PARPBP: variants seen among roughly 807,000 people sequenced by gnomAD.
PARPBP encodes PARP1 binding protein.
PARPBP carries 52 observed loss-of-function variants against 50.0 expected under a neutral mutation model. That is an observed-to-expected ratio of 1.04 (90% CI 0.83 to 1.31). The LOEUF (loss-of-function observed/expected upper bound fraction) is 1.31. Among genes scored for constraint, PARPBP ranks in the 50% most tolerant of loss-of-function variants. The pLI is 0.00. For synonymous variants in PARPBP, 244 were observed against 232.1 expected, an observed-to-expected ratio of 1.05 and a Z score of -0.47; for missense variants, 697 against 672.0, an observed-to-expected ratio of 1.04 and a Z score of -0.41.
intron 2 of PARPBP, among the ~76,000 whole-genome samples, chr12:102,144,990 C>A (rs566758101): frequency 6.6e-6 from 1 of 152,154 alleles, no homozygotes; most frequent in African/African-American, 2.4e-5. Context: ...ACACAACAGG[C>A]CCCTGCACTA....
chr12:102,133,289 T>A (rs1883139885), intron 2 of PARPBP, among the ~76,000 whole-genome samples: 1 of 152,212 alleles, frequency 6.6e-6, no homozygotes, highest in Non-Finnish European at 1.5e-5. Context: ...GAGTTTGTCA[T>A]ATATGGCCTT....
Position 102,195,459 on chromosome 12 carries a change from T to G in PARPBP, c.1399+12T>G. On this transcript the variant is annotated intron_variant, in intron 10 of 10. Coordinates refer to ENST00000327680, the MANE Select transcript of PARPBP (RefSeq NM_017915.5). ...AAATGACCTTTCTGGTAATTGACCT[T>G]ATTTGTGCAATTAAATAACAATTTA... 1 of 1,564,682 alleles carries G rather than the reference T, an allele frequency of 6.4e-7. No homozygotes were observed. The highest frequency in any genetic ancestry group is 8.7e-7 in the Non-Finnish European group (1 of 1,149,800).
chr12:102,148,268 A>G lies in PARPBP; in HGVS notation c.192A>G (p.Leu64=). 9 of 1,591,648 alleles carry G rather than the reference A, an allele frequency of 5.7e-6. No homozygotes were observed. Among genetic ancestry groups the G allele is most frequent in the Non-Finnish European group, 6.8e-6 (8 of 1,168,714 alleles). Residue 64 remains leucine (L), a synonymous_variant, in exon 3 of 11, where the codon TTA becomes TTG. Transcript: ENST00000327680. ...GEFTVSLSDV[L]LTWKYLLHEK... ...TTACAGTCTCTCTCAGTGATGTTTT[A>G]TTGACATGGAAATACTTGCTCCATG...
intron 4 of PARPBP, among the ~76,000 whole-genome samples, chr12:102,155,654 C>T (rs1464980805): frequency 1.3e-5 from 2 of 149,742 alleles, no homozygotes; most frequent in Non-Finnish European, 3.0e-5. Context: ...GCAGGAACTT[C>T]AACACCCTTT....
intron 2 of PARPBP, among the ~76,000 whole-genome samples, chr12:102,147,658 A>G (rs527869825): frequency 1.3e-5 from 2 of 152,168 alleles, no homozygotes; most frequent in South Asian, 2.1e-4. Flanking sequence ...TGGCATATGT[A>G]TACATATGTA....
intron 6 of PARPBP, among the ~76,000 whole-genome samples, chr12:102,170,340 A>G (rs1186000044): frequency 6.6e-6 from 1 of 152,252 alleles, no homozygotes; most frequent in East Asian, 1.9e-4. Context: ...TACAAACATC[A>G]TAGACTGTAC....
chr12:102,184,673 C>T (rs1385548887), intron 9 of PARPBP, among the ~76,000 whole-genome samples: 2 of 152,144 alleles, frequency 1.3e-5, no homozygotes, highest in Non-Finnish European at 1.5e-5. Context: ...AGCTCTGAAT[C>T]TACTAATAAA....
At chr12:102,171,868 CA>C (rs754077504) in intron 6 of PARPBP, among the ~76,000 whole-genome samples, 2,825 of 100,758 alleles carry the variant, frequency 0.028, 35 homozygotes, top group Middle Eastern at 0.048. Flanking sequence ...GACTCCGCCT[CA>C]AAAAAAAAAA....
chr12:102,141,301 G>A (rs538677110), intron 2 of PARPBP, among the ~76,000 whole-genome samples: 2 of 152,096 alleles, frequency 1.3e-5, no homozygotes, highest in South Asian at 4.2e-4. Context: ...GACTAGGATT[G>A]CAACCCCTGC....
At chr12:102,164,349 T>C (rs1244606656) in intron 4 of PARPBP, 89 bp from the exon 5 acceptor site, 3 of 930,454 alleles carry the variant, frequency 3.2e-6, no homozygotes, top group African/African-American at 3.3e-5. Flanking sequence ...TGTGATTGAA[T>C]GATTACATAC....
intron 2 of PARPBP, among the ~76,000 whole-genome samples, chr12:102,126,001 A>G (rs1881934739): frequency 1.3e-5 from 2 of 152,218 alleles, no homozygotes; most frequent in Non-Finnish European, 2.9e-5. Context: ...ATCAAAGCAA[A>G]GATTACCCAG....
intron 1 of PARPBP, chr12:102,120,510 T>C (rs1880842597): frequency 2.2e-6 from 1 of 456,490 alleles, no homozygotes; most frequent in Admixed American, 2.3e-5. Flanking sequence ...TGAGGGTTCG[T>C]CTGCAGCTTG....
chr12:102,130,871 T>TA (rs141762828), intron 2 of PARPBP, among the ~76,000 whole-genome samples: 13 of 143,744 alleles, frequency 9.0e-5, no homozygotes, highest in African/African-American at 1.3e-4. Flanking sequence ...AAAAAAAACC[T>TA]AAAAAAAAGA....
chr12:102,174,004 T>C (rs1889011521), intron 6 of PARPBP, among the ~76,000 whole-genome samples: 1 of 151,116 alleles, frequency 6.6e-6, no homozygotes, highest in Admixed American at 6.6e-5. Context: ...TCATTTGTCT[T>C]ACTATTAAAA....
intron 9 of PARPBP, among the ~76,000 whole-genome samples, chr12:102,184,116 G>A (rs1439582661): frequency 2.0e-5 from 3 of 149,888 alleles, no homozygotes; most frequent in Non-Finnish European, 3.0e-5. Context: ...AGTGAAGTAC[G>A]TTAAATATTA....
intron 2 of PARPBP, among the ~76,000 whole-genome samples, chr12:102,142,795 T>C (rs931758040): frequency 2.2e-4 from 34 of 152,358 alleles, no homozygotes; most frequent in Admixed American, 2.0e-3. Flanking sequence ...CAGTGGAGGC[T>C]GCAGAACAGC....
chr12:102,190,374 A>T (rs1333240561), intron 9 of PARPBP, among the ~76,000 whole-genome samples: 4 of 152,160 alleles, frequency 2.6e-5, no homozygotes, highest in African/African-American at 9.7e-5. Flanking sequence ...AAAAAAACAG[A>T]CAAACCTTCC....
intron 9 of PARPBP, 99 bp downstream of exon 9, chr12:102,182,726 A>G (rs1889949388): frequency 3.8e-6 from 3 of 796,388 alleles, no homozygotes; most frequent in Non-Finnish European, 6.3e-6. Context: ...TATTGTAAAC[A>G]TTGTACATGA....
At chr12:102,120,482 G>A (rs1445632437) in intron 1 of PARPBP, 196 bp downstream of exon 1, 3 of 456,526 alleles carry the variant, frequency 6.6e-6, no homozygotes, top group Admixed American at 2.3e-5. Flanking sequence ...AGTATCTAGC[G>A]ATGGAGCTGG....
Sources: allele counts gnomAD v4.1 joint callset (sites outside exome capture counted in the v4.1 genomes callset), GRCh38; gene constraint gnomAD v4.1.1; transcripts MANE v1.5; gene names NCBI Gene and HGNC (gene_info 2026-07-23, HGNC 2026-07-21).